Variants in ZNG1C observed in about 807,000 individuals in gnomAD.
The protein encoded by ZNG1C is zinc-regulated GTPase metalloprotein activator 1C.
chr9:68,247,568 G>T, the ZNG1C span: 3 of 1,112,636 alleles, frequency 2.7e-6, no homozygotes, highest in African/African-American at 1.6e-5. Flanking sequence ...TTTTTTGTTG[G>T]CTAATGGACA....
At chr9:68,299,268 T>C in the ZNG1C span, 7 of 1,490,184 alleles carry the variant, frequency 4.7e-6, no homozygotes, top group South Asian at 6.9e-5. Context: ...GTTAGGACTT[T>C]TGTTCTTCTT....
chr9:68,247,741 A>T, the ZNG1C span: 1 of 571,636 alleles, frequency 1.7e-6, no homozygotes, highest in African/African-American at 3.1e-5. Context: ...TACATGGTTT[A>T]CTAGAAATGT....
At chr9:68,275,478 C>T in the ZNG1C span, among the ~76,000 whole-genome samples, 1 of 136,496 alleles carries the variant, frequency 7.3e-6, no homozygotes, top group East Asian at 2.5e-4. Flanking sequence ...CTCCCCCCTC[C>T]CCCCAACCCA....
the ZNG1C span, among the ~76,000 whole-genome samples, chr9:68,268,684 A>T: frequency 2.6e-5 from 4 of 152,264 alleles, no homozygotes; most frequent in South Asian, 8.3e-4. Context: ...CCTTAATCTG[A>T]CAGTTGTGTG....
the ZNG1C span, among the ~76,000 whole-genome samples, chr9:68,294,064 C>G: frequency 6.6e-6 from 1 of 151,996 alleles, no homozygotes; most frequent in African/African-American, 2.4e-5. Context: ...ATGGAATAAC[C>G]TGCTCCTGGA....
At chr9:68,285,287 C>T in the ZNG1C span, 1 of 120,894 alleles carries the variant, frequency 8.3e-6, no homozygotes, top group Non-Finnish European at 1.8e-5. Flanking sequence ...ATTTACCCCT[C>T]ACTGTTCTTC....
At chr9:68,255,897 G>A in the ZNG1C span, among the ~76,000 whole-genome samples, 2 of 151,984 alleles carry the variant, frequency 1.3e-5, no homozygotes, top group Admixed American at 6.6e-5. Flanking sequence ...TCCTTGAAAA[G>A]AACGGACATT....
At chr9:68,274,380 T>A in the ZNG1C span, 5 of 165,052 alleles carry the variant, frequency 3.0e-5, no homozygotes, top group Non-Finnish European at 6.6e-5. Flanking sequence ...CCATTCTGAA[T>A]GAATGAAATC....
chr9:68,244,263 G>A, the ZNG1C span, among the ~76,000 whole-genome samples: 1 of 91,374 alleles, frequency 1.1e-5, no homozygotes, highest in Admixed American at 1.2e-4. Context: ...AAACACTCAT[G>A]TTCAGGGCCT....
the ZNG1C span, among the ~76,000 whole-genome samples, chr9:68,296,475 A>G: frequency 6.6e-6 from 1 of 152,228 alleles, no homozygotes; most frequent in South Asian, 2.1e-4. Flanking sequence ...AATGTCTCAT[A>G]TGTTTCTGCC....
At chr9:68,255,847 C>T in the ZNG1C span, among the ~76,000 whole-genome samples, 65 of 152,222 alleles carry the variant, frequency 4.3e-4, no homozygotes, top group Non-Finnish European at 7.9e-4. Context: ...GACTGACACT[C>T]TCCAGTTCTA....
At chr9:68,256,734 T>C in the ZNG1C span, among the ~76,000 whole-genome samples, 1 of 126,032 alleles carries the variant, frequency 7.9e-6, no homozygotes, top group African/African-American at 3.0e-5. Flanking sequence ...TGGGTATAAA[T>C]AGTAAAAGGT....
chr9:68,275,073 GAGGTAT>G, the ZNG1C span: 2 of 62,420 alleles, frequency 3.2e-5, no homozygotes, highest in Non-Finnish European at 7.9e-5. Context: ...CATTCTTAAT[GAGGTAT>G]ATTCTTGGAA....
the ZNG1C span, chr9:68,254,536 T>C: frequency 6.6e-6 from 1 of 152,454 alleles, no homozygotes. Flanking sequence ...TTCTTCTTGA[T>C]ATGGGAGAAC....
chr9:68,276,128 T>A, the ZNG1C span, among the ~76,000 whole-genome samples: 1 of 148,652 alleles, frequency 6.7e-6, no homozygotes, highest in Non-Finnish European at 1.5e-5. Context: ...GTTCATGTCC[T>A]TCGCCCACTT....
At chr9:68,280,213 AT>A in the ZNG1C span, among the ~76,000 whole-genome samples, 1 of 126,334 alleles carries the variant, frequency 7.9e-6, no homozygotes, top group Non-Finnish European at 1.7e-5. Flanking sequence ...ATTCTTCTAA[AT>A]TTTTTTCAAA....
chr9:68,266,717 T>TG, the ZNG1C span, among the ~76,000 whole-genome samples: 1 of 144,660 alleles, frequency 6.9e-6, no homozygotes, highest in East Asian at 2.0e-4. Context: ...TGTTCTGTTT[T>TG]TTTTTTTTTA....
chr9:68,259,972 ACTC>A, the ZNG1C span, among the ~76,000 whole-genome samples: 4 of 147,644 alleles, frequency 2.7e-5, no homozygotes, highest in South Asian at 2.1e-4. Context: ...TTGGAAGAAA[ACTC>A]CTTTTTTAGA....
the ZNG1C span, among the ~76,000 whole-genome samples, chr9:68,267,314 T>C: frequency 6.7e-5 from 10 of 148,626 alleles, no homozygotes; most frequent in East Asian, 1.9e-3. Context: ...TCATATTTTT[T>C]CCACATATTT....
Sources: allele counts gnomAD v4.1 joint callset (sites outside exome capture counted in the v4.1 genomes callset), GRCh38; gene constraint gnomAD v4.1.1; transcripts MANE v1.5; gene names NCBI Gene and HGNC (gene_info 2026-07-23, HGNC 2026-07-21).